SHLD2: variants seen among roughly 807,000 people sequenced by gnomAD.
The protein encoded by SHLD2 is RINN1-REV7-interacting novel NHEJ regulator 2.
In SHLD2, 30 loss-of-function variants were observed where a neutral mutation model predicts 73.2. The ratio of observed to expected loss-of-function variants is 0.41; its 90% CI spans 0.31 to 0.56. The LOEUF is 0.56. SHLD2 is among the 20% of genes least tolerant of loss of function. SHLD2 has a pLI of 0.28. For missense variants in SHLD2, 745 were observed against 1,055.9 expected (o/e 0.71, Z 4.08); for synonymous variants, 285 against 370.1 (o/e 0.77, Z 2.64).
At chr10:87,127,535 C>A (rs1380237681) in intron 2 of SHLD2, among the ~76,000 whole-genome samples, 3 of 71,434 alleles carry the variant, frequency 4.2e-5, no homozygotes, top group African/African-American at 5.7e-5. Context: ...ACCCGCCCCC[C>A]CCCACCCCGT....
At chr10:87,175,843 A>G (rs1847920967) in intron 6 of SHLD2, 46 bp from the exon 7 acceptor site, 1 of 1,532,744 alleles carries the variant, frequency 6.5e-7, no homozygotes, top group South Asian at 1.2e-5. Context: ...CTAAGCCTAG[A>G]TTTTTTTCCT....
Position 87,182,697 on chromosome 10 carries a change from C to T in SHLD2, c.2399+2394C>T, listed in dbSNP as rs557158689. On this transcript the variant is annotated intron_variant, in intron 8 of 9. Transcript: ENST00000298786. ...ACCACAATTAAGGCTCCTATTTAGG[C>T]AGCACTAGGAAATGTTTGGGTCTCT... 3.3e-5 allele frequency among the ~76,000 whole-genome samples: 5 copies of T among 152,240 alleles called. No individual in the cohort carries two copies. The South Asian group carries it at 1.0e-3, about 32-fold the overall frequency.
intron 9 of SHLD2, 127 bp from the exon 10 acceptor site, chr10:87,190,357 A>C: frequency 4.8e-6 from 4 of 840,666 alleles, no homozygotes; most frequent in Non-Finnish European, 4.0e-6. Context: ...CCGCTACTGG[A>C]CGGGAGGAGA....
At chr10:87,128,092 A>G (rs1844166781) in intron 2 of SHLD2, among the ~76,000 whole-genome samples, 1 of 152,158 alleles carries the variant, frequency 6.6e-6, no homozygotes. Flanking sequence ...AATGTTATAC[A>G]GTTTAATGAG....
chr10:87,175,183 T>A (rs1490650391), intron 6 of SHLD2, among the ~76,000 whole-genome samples: 1 of 152,086 alleles, frequency 6.6e-6, no homozygotes, highest in Admixed American at 6.5e-5. Context: ...CTAAATGCTT[T>A]TTGTTCTAGA....
At chr10:87,144,691 A>G (rs1391464248) in intron 2 of SHLD2, among the ~76,000 whole-genome samples, 2 of 135,050 alleles carry the variant, frequency 1.5e-5, no homozygotes, top group South Asian at 2.3e-4. Flanking sequence ...CAGTGGCGCA[A>G]TCTTGGCTCA....
At chr10:87,104,536 GA>G (rs1187817587) in intron 2 of SHLD2, among the ~76,000 whole-genome samples, 1,465 of 78,204 alleles carry the variant, frequency 0.019, 17 homozygotes, top group African/African-American at 0.063. Flanking sequence ...TTCTGTCTCA[GA>G]AAAAAAAAAA....
chr10:87,117,420 A>G (rs887501102), intron 2 of SHLD2, among the ~76,000 whole-genome samples: 1 of 152,334 alleles, frequency 6.6e-6, no homozygotes, highest in South Asian at 2.1e-4. Context: ...TCAGTCTTAA[A>G]CAAAAAAGAA....
intron 2 of SHLD2, among the ~76,000 whole-genome samples, chr10:87,129,279 C>T (rs1589498211): frequency 1.3e-5 from 2 of 152,032 alleles, no homozygotes; most frequent in Non-Finnish European, 2.9e-5. Flanking sequence ...TTAGTAGGGA[C>T]GGGGTTTCAC....
intron 8 of SHLD2, among the ~76,000 whole-genome samples, chr10:87,185,423 A>G (rs1227503849): frequency 6.6e-6 from 1 of 152,072 alleles, no homozygotes; most frequent in Non-Finnish European, 1.5e-5. Flanking sequence ...TCTCTTGGGT[A>G]TATATTTAGG....
At chr10:87,148,417 A>G (rs1354162940) in intron 2 of SHLD2, among the ~76,000 whole-genome samples, 1 of 152,194 alleles carries the variant, frequency 6.6e-6, no homozygotes, top group Non-Finnish European at 1.5e-5. Flanking sequence ...TGGTAGTAAA[A>G]GTATTGAAAA....
At chr10:87,127,542 C>CCGCCCCCCG (rs1844120768) in intron 2 of SHLD2, among the ~76,000 whole-genome samples, 1 of 81,476 alleles carries the variant, frequency 1.2e-5, no homozygotes. Flanking sequence ...CCCCCCCACC[C>CCGCCCCCCG]CGTCTGCCAC....
chr10:87,105,270 A>T (rs1842526780), intron 2 of SHLD2, among the ~76,000 whole-genome samples: 1 of 152,244 alleles, frequency 6.6e-6, no homozygotes, highest in Non-Finnish European at 1.5e-5. Context: ...TAATGCTGTT[A>T]AAAACAGACA....
chr10:87,152,346 A>G lies in SHLD2; in HGVS notation c.992A>G (p.Lys331Arg). 7.0e-7 allele frequency: 1 copy of G among 1,428,996 alleles called. No homozygotes were observed. Among genetic ancestry groups the G allele is most frequent in the Non-Finnish European group, 9.6e-7 (1 of 1,045,590 alleles). 88.5% of individuals were successfully genotyped at this position (1,428,996 alleles called of 1,614,324 possible). Residue 331 changes from lysine (K) to arginine (R), a missense_variant, in exon 3 of 10, where the codon AAA becomes AGA. This residue lies in a region of SHLD2 where 26 missense variants were observed against 86.4 expected (regional missense o/e 0.30). Coordinates refer to ENST00000298786, the MANE Select transcript of SHLD2 (RefSeq NM_001330112.2). ...AGCCGCATTCACATAAACTCTGATAAAGGTCTTGAAGAACATACAGGATCT... is the reference window on the plus strand; with the variant it reads ...AGCCGCATTCACATAAACTCTGATAGAGGTCTTGAAGAACATACAGGATCT... ...ENSRIHINSD[K>R]GLEEHTGSQE...
chr10:87,098,597 A>G (rs1184746353), intron 2 of SHLD2, among the ~76,000 whole-genome samples: 1 of 151,976 alleles, frequency 6.6e-6, no homozygotes, highest in Admixed American at 6.6e-5. Context: ...ATAGGGTAAG[A>G]TTCAAACCTG....
intron 2 of SHLD2, among the ~76,000 whole-genome samples, chr10:87,106,898 G>A (rs1020576965): frequency 1.3e-5 from 2 of 152,088 alleles, no homozygotes; most frequent in Admixed American, 6.6e-5. Context: ...ATATCAGAAG[G>A]ATAGCTTGAG....
At chr10:87,142,127 A>T (rs1347862891) in intron 2 of SHLD2, among the ~76,000 whole-genome samples, 20 of 152,178 alleles carry the variant, frequency 1.3e-4, no homozygotes, top group African/African-American at 4.8e-4. Context: ...TCTTGTACTT[A>T]CCAGCTGAAT....
chr10:87,121,996 C>T (rs1259910223), intron 2 of SHLD2, among the ~76,000 whole-genome samples: 10 of 151,918 alleles, frequency 6.6e-5, no homozygotes, highest in African/African-American at 2.4e-4. Flanking sequence ...AACTCCTGAC[C>T]TACAGTGATC....
intron 2 of SHLD2, among the ~76,000 whole-genome samples, chr10:87,112,305 T>G (rs1842980474): frequency 6.7e-6 from 1 of 149,750 alleles, no homozygotes; most frequent in Non-Finnish European, 1.5e-5. Flanking sequence ...AATGGCCAAA[T>G]AAACACATGA....
Sources: gnomAD v4.1 joint callset for allele counts (sites outside exome capture counted in the v4.1 genomes callset) on GRCh38, gnomAD v4.1.1 for gene constraint, gnomAD v4.1.1 regional missense constraint, MANE v1.5 for transcripts, NCBI Gene and HGNC (gene_info 2026-07-23, HGNC 2026-07-21) for gene names.